Variants in GPM6A observed in about 807,000 individuals in gnomAD.
GPM6A encodes neuronal membrane glycoprotein M6-a.
Under a neutral mutation model 32.1 loss-of-function variants are expected in GPM6A, and 7 were observed. The ratio of observed to expected loss-of-function variants is 0.22; its 90% CI spans 0.12 to 0.41. The LOEUF is 0.41. Among genes scored for constraint, GPM6A ranks in the 10% least tolerant of loss-of-function variants. GPM6A has a pLI of 1.00. For missense variants in GPM6A, 235 were observed against 347.2 expected, an observed-to-expected ratio of 0.68 and a Z score of 2.57; for synonymous variants, 130 against 123.4, an observed-to-expected ratio of 1.05 and a Z score of -0.35.
At chr4:175,812,298 GGGGTTTTTTTTTTTTTTTTTTTTTTT>G (rs1357138851), upstream of GPM6A, 165 of 174,438 alleles carry the variant, frequency 9.5e-4, 5 homozygotes, top group South Asian at 4.6e-3. Context: ...GGAAAAACTG[GGGGTTTTTTTTTTTTTTTTTTTTTTT>G]TTTTTTTTTT....
chr4:175,863,327 C>A (rs561104494), intron 1 of GPM6A, among the ~76,000 whole-genome samples: 4 of 152,000 alleles, frequency 2.6e-5, no homozygotes, highest in Non-Finnish European at 5.9e-5. Context: ...TAAATAAAAT[C>A]CTATACTATG....
At chr4:175,690,811 T>C (rs1744254051) in intron 2 of GPM6A, among the ~76,000 whole-genome samples, 1 of 152,160 alleles carries the variant, frequency 6.6e-6, no homozygotes, top group Non-Finnish European at 1.5e-5. Context: ...AAAGGTAACA[T>C]ATGATGTTAC....
chr4:175,715,189 G>T (rs1005469420), intron 1 of GPM6A, among the ~76,000 whole-genome samples: 1 of 152,064 alleles, frequency 6.6e-6, no homozygotes, highest in African/African-American at 2.4e-5. Context: ...TCAAAACTTT[G>T]CTCAAAATAC....
intron 1 of GPM6A, among the ~76,000 whole-genome samples, chr4:175,855,061 T>G (rs1736375940): frequency 6.6e-6 from 1 of 152,108 alleles, no homozygotes; most frequent in Non-Finnish European, 1.5e-5. Flanking sequence ...AAGGAATCTT[T>G]GAAAAGATTA....
At chr4:175,816,484 T>C (rs1157989592), upstream of GPM6A, among the ~76,000 whole-genome samples, 1 of 152,192 alleles carries the variant, frequency 6.6e-6, no homozygotes, top group Non-Finnish European at 1.5e-5. Context: ...GTCATCTTTG[T>C]GATACAATGT....
intron 1 of GPM6A, among the ~76,000 whole-genome samples, chr4:175,907,704 C>T (rs1738175132): frequency 6.6e-6 from 1 of 152,102 alleles, no homozygotes. Flanking sequence ...GAAAACTGAA[C>T]CAACAGGCTT....
chr4:175,770,876 G>A (rs1733160245), intron 1 of GPM6A, among the ~76,000 whole-genome samples: 1 of 152,074 alleles, frequency 6.6e-6, no homozygotes, highest in African/African-American at 2.4e-5. Context: ...CAACCTAGCC[G>A]ATTTCTGCCA....
chr4:175,937,274 A>T (rs1273613035), intron 1 of GPM6A, among the ~76,000 whole-genome samples: 1 of 152,178 alleles, frequency 6.6e-6, no homozygotes, highest in Non-Finnish European at 1.5e-5. Flanking sequence ...TGTAAATAGT[A>T]AATTAAAAGG....
chr4:175,922,572 G>T (rs1738703291), intron 1 of GPM6A, among the ~76,000 whole-genome samples: 1 of 152,154 alleles, frequency 6.6e-6, no homozygotes, highest in Non-Finnish European at 1.5e-5. Context: ...GAAGAAATCT[G>T]ATATTGGAGA....
intron 1 of GPM6A, among the ~76,000 whole-genome samples, chr4:175,749,839 TAGGCCAGCATGAGTTG>T (rs1732251632): frequency 6.6e-6 from 1 of 152,178 alleles, no homozygotes. Context: ...CCACAACTGA[TAGGCCAGCATGAGTTG>T]TCAAGAGAAT....
chr4:175,743,661 C>T (rs902241805), intron 1 of GPM6A, among the ~76,000 whole-genome samples: 2 of 151,242 alleles, frequency 1.3e-5, no homozygotes, highest in African/African-American at 4.9e-5. Context: ...TATAAGGACA[C>T]AAAAAGTTGA....
chr4:175,916,392 G>A (rs552815331), intron 1 of GPM6A, among the ~76,000 whole-genome samples: 1 of 152,298 alleles, frequency 6.6e-6, no homozygotes, highest in South Asian at 2.1e-4. Context: ...CAGCTTTGGA[G>A]CTAAATCAAA....
At chr4:175,776,714 T>C (rs1346615326) in intron 1 of GPM6A, among the ~76,000 whole-genome samples, 1 of 152,220 alleles carries the variant, frequency 6.6e-6, no homozygotes, top group Non-Finnish European at 1.5e-5. Context: ...TATTATTCAA[T>C]TTCACACTTA....
chr4:175,721,165 A>T (rs115941645), intron 1 of GPM6A, among the ~76,000 whole-genome samples: 9,276 of 145,284 alleles, frequency 0.064, 509 homozygotes, highest in African/African-American at 0.14. Context: ...ATATATATAT[A>T]TTTTCTATTT....
intron 1 of GPM6A, among the ~76,000 whole-genome samples, chr4:175,761,416 A>G (rs1732735226): frequency 6.6e-6 from 1 of 152,138 alleles, no homozygotes; most frequent in African/African-American, 2.4e-5. Flanking sequence ...TAATCGCTAC[A>G]CTGCTGCATA....
chr4:175,734,919 C>A (rs530310033), intron 1 of GPM6A, among the ~76,000 whole-genome samples: 1 of 152,122 alleles, frequency 6.6e-6, no homozygotes, highest in Non-Finnish European at 1.5e-5. Flanking sequence ...CCTTTTATAC[C>A]CTTGAGAATG....
intron 1 of GPM6A, among the ~76,000 whole-genome samples, chr4:175,970,483 A>G (rs1740468342): frequency 1.3e-5 from 2 of 152,354 alleles, no homozygotes; most frequent in African/African-American, 4.8e-5. Flanking sequence ...GTGTGTTATA[A>G]CATATGTATT....
chr4:175,771,229 C>A (rs1733175516), intron 1 of GPM6A, among the ~76,000 whole-genome samples: 1 of 152,002 alleles, frequency 6.6e-6, no homozygotes, highest in Non-Finnish European at 1.5e-5. Flanking sequence ...TTTTGTCACT[C>A]CCACTGCTTC....
intron 1 of GPM6A, among the ~76,000 whole-genome samples, chr4:175,992,004 C>T (rs13151378): frequency 0.13 from 18,996 of 148,032 alleles, 1,301 homozygotes; most frequent in East Asian, 0.25. Context: ...TATATAAAAA[C>T]GAAACAAATC....
Sources: gnomAD v4.1 joint callset for allele counts (sites outside exome capture counted in the v4.1 genomes callset) on GRCh38, gnomAD v4.1.1 for gene constraint, MANE v1.5 for transcripts, NCBI Gene and HGNC (gene_info 2026-07-23, HGNC 2026-07-21) for gene names.